Variants in TXLNB observed in about 807,000 individuals in gnomAD.
TXLNB encodes the protein taxilin beta.
In TXLNB, 37 loss-of-function variants were observed where a neutral mutation model predicts 57.4. The ratio of observed to expected loss-of-function variants is 0.64; its 90% confidence interval spans 0.50 to 0.85. TXLNB has a LOEUF of 0.85. TXLNB is among the 40% of genes least tolerant of loss of function. The pLI is 0.00. For missense variants in TXLNB, 848 were observed against 825.6 expected (o/e 1.03, Z -0.33); for synonymous variants, 302 against 309.6 (o/e 0.98, Z 0.26).
the TXLNB span, chr6:139,174,683 G>A: frequency 8.3e-7 from 1 of 1,205,482 alleles, no homozygotes; most frequent in East Asian, 2.6e-5. Flanking sequence ...TAGTCATTTA[G>A]TGGAATACTA....
chr6:139,251,516 C>G (rs562582577), intron 7 of TXLNB: 1 of 152,350 alleles, frequency 6.6e-6, no homozygotes, highest in African/African-American at 2.4e-5. Context: ...CTCTCACTAT[C>G]GTGCTGACAG....
At chr6:139,165,732 G>A in the TXLNB span, among the ~76,000 whole-genome samples, 1 of 152,194 alleles carries the variant, frequency 6.6e-6, no homozygotes, top group Non-Finnish European at 1.5e-5. Flanking sequence ...CTTAAGAATT[G>A]GGTTAGCGGA....
the TXLNB span, among the ~76,000 whole-genome samples, chr6:139,196,365 G>GT: frequency 7.9e-3 from 308 of 38,986 alleles, 21 homozygotes; most frequent in Middle Eastern, 0.017. Context: ...TCCAGATCTG[G>GT]TTTTTTTTTT....
chr6:139,320,464 TTTCCTTCACTAAAA>T, the TXLNB span, among the ~76,000 whole-genome samples: 1 of 152,164 alleles, frequency 6.6e-6, no homozygotes, highest in Non-Finnish European at 1.5e-5. Context: ...TGAACTCAAG[TTTCCTTCACTAAAA>T]TATTACCATC....
At chr6:139,194,063 G>A in the TXLNB span, among the ~76,000 whole-genome samples, 10 of 151,290 alleles carry the variant, frequency 6.6e-5, no homozygotes, top group East Asian at 1.9e-4. Context: ...GGATGGTCTC[G>A]ATCTCCTGAC....
At chr6:139,207,611 GA>G in the TXLNB span, among the ~76,000 whole-genome samples, 1 of 152,070 alleles carries the variant, frequency 6.6e-6, no homozygotes, top group African/African-American at 2.4e-5. Context: ...AAGCCCAGCA[GA>G]AGAAAAGAAA....
intron 2 of TXLNB, among the ~76,000 whole-genome samples, chr6:139,282,462 A>T (rs529943341): frequency 6.9e-6 from 1 of 145,352 alleles, no homozygotes; most frequent in Admixed American, 6.8e-5. Flanking sequence ...CTGTAATCCT[A>T]GCTACATGGG....
chr6:139,310,612 A>G, the TXLNB span, among the ~76,000 whole-genome samples: 1 of 152,384 alleles, frequency 6.6e-6, no homozygotes, highest in South Asian at 2.1e-4. Context: ...AAGAGTTTAA[A>G]TTATTAAAAA....
chr6:139,213,926 A>G, the TXLNB span, among the ~76,000 whole-genome samples: 18 of 152,352 alleles, frequency 1.2e-4, no homozygotes, highest in South Asian at 3.7e-3. Flanking sequence ...AGACTAAGCC[A>G]GGAAGAAGTT....
intron 2 of TXLNB, among the ~76,000 whole-genome samples, chr6:139,284,212 A>G (rs1327555656): frequency 6.9e-6 from 1 of 145,756 alleles, no homozygotes; most frequent in Non-Finnish European, 1.5e-5. Context: ...AGCACAGTGC[A>G]TCATAAAGAC....
chr6:139,225,434 T>C, the TXLNB span, among the ~76,000 whole-genome samples: 2 of 152,188 alleles, frequency 1.3e-5, no homozygotes, highest in Non-Finnish European at 2.9e-5. Context: ...TCCAAAAACA[T>C]CTGCAAATAG....
chr6:139,173,700 A>G, the TXLNB span, among the ~76,000 whole-genome samples: 1 of 152,356 alleles, frequency 6.6e-6, no homozygotes, highest in East Asian at 1.9e-4. Flanking sequence ...CATATACACT[A>G]GGATGACATC....
chr6:139,251,977 A>C (rs73558599), intron 7 of TXLNB, among the ~76,000 whole-genome samples: 4,846 of 152,306 alleles, frequency 0.032, 259 homozygotes, highest in African/African-American at 0.11. Flanking sequence ...CGTCCACATC[A>C]GATATTGCTG....
At chr6:139,293,284 G>C (rs564116192), upstream of TXLNB, among the ~76,000 whole-genome samples, 1 of 152,032 alleles carries the variant, frequency 6.6e-6, no homozygotes, top group African/African-American at 2.4e-5. Context: ...TAGAGACGGG[G>C]TTTCGCTGTG....
the TXLNB span, among the ~76,000 whole-genome samples, chr6:139,232,204 TTA>T: frequency 6.6e-6 from 1 of 152,138 alleles, no homozygotes; most frequent in South Asian, 2.1e-4. Context: ...CAGGCACATC[TTA>T]CATGGTGGCA....
In TXLNB at chr6:139,242,430, T is replaced by C. The variant is rs922907059; in HGVS notation, c.*96A>G. The C allele has an allele frequency of 2.9e-6, 3 of 1,048,468 alleles. No homozygotes were observed. Among genetic ancestry groups the C allele is most frequent in the Admixed American group, 3.1e-5 (1 of 32,600 alleles). 64.9% of individuals were successfully genotyped at this position (1,048,468 alleles called of 1,614,324 possible). A position where few individuals can be genotyped will look rare whatever the true frequency, so the allele number is the denominator to read the frequency against. Reference sequence around the variant, plus strand: ...TGTCTTGATCCTAAGTCTCTTCCATTTGACATCTCTAGCCCTTAATGCCTT... The same window carrying C: ...TGTCTTGATCCTAAGTCTCTTCCATCTGACATCTCTAGCCCTTAATGCCTT... On this transcript the variant is annotated 3_prime_UTR_variant, in exon 10 of 10. Coordinates refer to ENST00000358430, the MANE Select transcript of TXLNB (RefSeq NM_153235.4).
At chr6:139,265,493 A>G (rs1776593554) in intron 4 of TXLNB, among the ~76,000 whole-genome samples, 1 of 152,154 alleles carries the variant, frequency 6.6e-6, no homozygotes, top group South Asian at 2.1e-4. Flanking sequence ...CGGTTTTAAT[A>G]AAGAAAAGTA....
chr6:139,316,624 T>C, the TXLNB span, among the ~76,000 whole-genome samples: 1 of 152,336 alleles, frequency 6.6e-6, no homozygotes, highest in East Asian at 1.9e-4. Flanking sequence ...CTTACTGTGC[T>C]TTAACAAGTA....
chr6:139,195,686 C>T, the TXLNB span, among the ~76,000 whole-genome samples: 1 of 152,090 alleles, frequency 6.6e-6, no homozygotes, highest in Non-Finnish European at 1.5e-5. Context: ...CTAATGTAAA[C>T]AAAGTGATCA....
Sources: allele counts gnomAD v4.1 joint callset (sites outside exome capture counted in the v4.1 genomes callset), GRCh38; gene constraint gnomAD v4.1.1; transcripts MANE v1.5; gene names NCBI Gene and HGNC (gene_info 2026-07-23, HGNC 2026-07-21).